SYNE2: variants seen among roughly 807,000 people sequenced by gnomAD.
SYNE2 encodes nesprin-2.
SYNE2 carries 431 observed loss-of-function variants against 856.3 expected under a neutral mutation model. That is an observed-to-expected ratio of 0.50 (90% CI 0.47 to 0.55). The LOEUF (loss-of-function observed/expected upper bound fraction) is 0.55. Among genes scored for constraint, SYNE2 ranks in the 20% least tolerant of loss-of-function variants. SYNE2 has a pLI of 0.00. For synonymous variants in SYNE2, 2,923 were observed against 2,872.3 expected, an observed-to-expected ratio of 1.02 and a Z score of -0.56; for missense variants, 8,129 against 8,023.2, an observed-to-expected ratio of 1.01 and a Z score of -0.50.
chr14:64,129,484 C>T (rs1435064356), intron 74 of SYNE2, among the ~76,000 whole-genome samples: 1 of 152,074 alleles, frequency 6.6e-6, no homozygotes, highest in African/African-American at 2.4e-5. Flanking sequence ...ATGTGTATAC[C>T]AATGTGAAGA....
At chr14:63,999,063 C>T (rs748508078) in intron 27 of SYNE2, 23 bp downstream of exon 27, 16 of 1,609,962 alleles carry the variant, frequency 9.9e-6, no homozygotes, top group Non-Finnish European at 1.4e-5. Flanking sequence ...AATATTATTT[C>T]TCTGATTATC....
chr14:63,764,858 A>G (rs1886615891), intron 1 of SYNE2, among the ~76,000 whole-genome samples: 1 of 152,114 alleles, frequency 6.6e-6, no homozygotes, highest in Non-Finnish European at 1.5e-5. Context: ...TGAGGTGGGC[A>G]GACTGCTTGA....
chr14:63,776,630 C>T (rs1281609563), intron 1 of SYNE2, among the ~76,000 whole-genome samples: 1 of 144,728 alleles, frequency 6.9e-6, no homozygotes, highest in Non-Finnish European at 1.5e-5. Flanking sequence ...GACAGAGTCT[C>T]ACTCTGTTGC....
intron 11 of SYNE2, among the ~76,000 whole-genome samples, chr14:63,975,181 T>G (rs1056868013): frequency 2.6e-5 from 4 of 151,898 alleles, no homozygotes; most frequent in Non-Finnish European, 5.9e-5. Flanking sequence ...GGCCCTGCTC[T>G]TGTTTTTATT....
chr14:64,010,309 G>A (rs984628405), intron 32 of SYNE2, among the ~76,000 whole-genome samples, 193 bp downstream of exon 32: 1 of 152,208 alleles, frequency 6.6e-6, no homozygotes, highest in African/African-American at 2.4e-5. Context: ...TCACCAAGTT[G>A]ATGGTGGGTC....
intron 32 of SYNE2, among the ~76,000 whole-genome samples, chr14:64,011,962 C>T (rs2096849620): frequency 6.6e-6 from 1 of 152,156 alleles, no homozygotes; most frequent in Non-Finnish European, 1.5e-5. Context: ...CCTCTGTCCT[C>T]AGCTGTATTT....
chr14:64,034,844 A>G (rs914870582), intron 45 of SYNE2, among the ~76,000 whole-genome samples: 2 of 152,142 alleles, frequency 1.3e-5, no homozygotes, highest in South Asian at 4.2e-4. Flanking sequence ...TAAAAAGTGA[A>G]GACTGTCTAA....
chr14:64,171,304 T>C (rs2098409463), intron 94 of SYNE2, among the ~76,000 whole-genome samples: 1 of 152,208 alleles, frequency 6.6e-6, no homozygotes, highest in Non-Finnish European at 1.5e-5. Flanking sequence ...CGCATATTAA[T>C]TGAGTACCTT....
intron 61 of SYNE2, among the ~76,000 whole-genome samples, chr14:64,096,942 C>T (rs2097682467): frequency 6.6e-6 from 1 of 152,184 alleles, no homozygotes; most frequent in South Asian, 2.1e-4. Flanking sequence ...AAATTTCAAA[C>T]ACATGAAGGT....
intron 1 of SYNE2, among the ~76,000 whole-genome samples, chr14:63,836,313 C>T (rs1314277645): frequency 6.6e-6 from 1 of 152,096 alleles, no homozygotes; most frequent in African/African-American, 2.4e-5. Context: ...CATTAGTCAC[C>T]ACACCCAGGC....
chr14:63,770,484 C>T (rs1003267630), intron 1 of SYNE2, among the ~76,000 whole-genome samples: 1 of 152,086 alleles, frequency 6.6e-6, no homozygotes, highest in African/African-American at 2.4e-5. Context: ...TTTTAGCTAA[C>T]CAGTCATAAA....
At position 64,143,995 on chromosome 14, in the gene SYNE2, A is replaced by T. The variant is rs758057955; in HGVS notation, c.15483+47A>T. 5 of 1,609,380 alleles carry T rather than the reference A, an allele frequency of 3.1e-6. No individual in the cohort carries two copies. In the African/African-American group the frequency reaches 6.7e-5, roughly 22 times the overall value. On this transcript the variant is annotated intron_variant, in intron 83 of 115. Transcript: ENST00000555002. Reference sequence around the variant, plus strand: ...GGATGTGTGGTTTGACCTTTATGAAACACACTTTCTGAAAAATCAAAAAAG... The same window carrying T: ...GGATGTGTGGTTTGACCTTTATGAATCACACTTTCTGAAAAATCAAAAAAG...
At chr14:64,112,002 A>T (rs1207897527) in intron 65 of SYNE2, among the ~76,000 whole-genome samples, 2 of 152,202 alleles carry the variant, frequency 1.3e-5, no homozygotes, top group East Asian at 3.8e-4. Context: ...CAGCACATGT[A>T]TGTGAAGATA....
chr14:64,168,778 A>T, intron 92 of SYNE2, 99 bp from the exon 93 acceptor site: 1 of 846,282 alleles, frequency 1.2e-6, no homozygotes, highest in Non-Finnish European at 2.0e-6. Flanking sequence ...ATTATCCCTC[A>T]TATCCTTTGT....
chr14:64,204,948 A>T (rs2098597990), intron 100 of SYNE2, among the ~76,000 whole-genome samples: 1 of 152,102 alleles, frequency 6.6e-6, no homozygotes, highest in African/African-American at 2.4e-5. Context: ...TTTAGAGGCC[A>T]CCCACATTGC....
intron 65 of SYNE2, among the ~76,000 whole-genome samples, chr14:64,108,955 A>G (rs539315105): frequency 4.2e-4 from 64 of 151,872 alleles, no homozygotes; most frequent in Non-Finnish European, 8.1e-4. Flanking sequence ...GGCTCACTGG[A>G]GCCTCAACCT....
chr14:64,163,278 A>T, intron 88 of SYNE2, 124 bp from the exon 89 acceptor site: 1 of 1,112,378 alleles, frequency 9.0e-7, no homozygotes, highest in Non-Finnish European at 1.3e-6. Context: ...AATAAATAAT[A>T]ACAAAAGATC....
chr14:64,096,154 C>T (rs1314686287), intron 61 of SYNE2, among the ~76,000 whole-genome samples: 2 of 152,210 alleles, frequency 1.3e-5, no homozygotes, highest in Non-Finnish European at 2.9e-5. Flanking sequence ...ATAAGTTACC[C>T]AGTCACAGAT....
At chr14:64,147,580 C>T (rs1326394195) in intron 84 of SYNE2, among the ~76,000 whole-genome samples, 1 of 152,158 alleles carries the variant, frequency 6.6e-6, no homozygotes, top group Admixed American at 6.5e-5. Context: ...CTATTCTTCC[C>T]ACAACCTCAC....
Sources: gnomAD v4.1 joint callset for allele counts (sites outside exome capture counted in the v4.1 genomes callset) on GRCh38, gnomAD v4.1.1 for gene constraint, MANE v1.5 for transcripts, NCBI Gene and HGNC (gene_info 2026-07-23, HGNC 2026-07-21) for gene names.